GTF2IRD1: variants seen among roughly 807,000 people sequenced by gnomAD.
GTF2IRD1 encodes the protein GTF2I repeat domain containing 1, also known as general transcription factor II-I repeat domain-containing protein 1.
Under a neutral mutation model 113.2 loss-of-function variants are expected in GTF2IRD1, and 26 were observed. The ratio of observed to expected loss-of-function variants is 0.23; its 90% CI spans 0.17 to 0.32. The LOEUF is 0.32. Ranked by LOEUF, GTF2IRD1 falls within the 10% of genes least tolerant of loss-of-function variation. The pLI, the probability that GTF2IRD1 is intolerant of heterozygous loss-of-function variation, is 1.00. For synonymous variants in GTF2IRD1, 484 were observed against 529.1 expected, an observed-to-expected ratio of 0.91 and a Z score of 1.17; for missense variants, 864 against 1,280.8, an observed-to-expected ratio of 0.67 and a Z score of 4.97.
At chr7:74,519,145 G>T (rs1474338574) in intron 5 of GTF2IRD1, among the ~76,000 whole-genome samples, 2 of 152,214 alleles carry the variant, frequency 1.3e-5, no homozygotes, top group Admixed American at 1.3e-4. Flanking sequence ...GCAATCAACC[G>T]CACCTGGCGG....
rs2130751105 is a variant in GTF2IRD1 at position 74,555,510 on chromosome 7, CG to C, written c.2023+20del. On this transcript the variant is annotated intron_variant, in intron 19 of 26. Coordinates refer to ENST00000424337, the MANE Select transcript of GTF2IRD1 (RefSeq NM_005685.4). The surrounding 1 kb of genome is among the most constrained non-coding windows in gnomAD (Gnocchi z 5.3). ...GGCTTTCAAGGTAAGGTTGAGCTCA[CG>C]GGGAGGTCTGTTGTCCCAGCACCAG... is the stretch of plus-strand genomic sequence containing the variant. 1 of 1,498,554 alleles carries C rather than the reference CG, an allele frequency of 6.7e-7. No homozygotes were observed. Among genetic ancestry groups the C allele is most frequent in the Non-Finnish European group, 9.3e-7 (1 of 1,074,798 alleles). The allele number at this position is 1,498,554 out of a possible 1,614,324, so 92.8% of individuals were successfully genotyped here.
intron 26 of GTF2IRD1, 155 bp downstream of exon 26, chr7:74,601,335 C>A: frequency 6.5e-7 from 1 of 1,535,514 alleles, no homozygotes; most frequent in Non-Finnish European, 8.7e-7. Flanking sequence ...TAGATGCATC[C>A]ACCTGTCTCA....
At chr7:74,530,894 C>A (rs1797928150) in intron 9 of GTF2IRD1, among the ~76,000 whole-genome samples, 1 of 152,090 alleles carries the variant, frequency 6.6e-6, no homozygotes, top group Non-Finnish European at 1.5e-5. Context: ...CATGGCGAGA[C>A]CCCATCTCTG....
At chr7:74,456,190 C>A (rs1401265157) in intron 1 of GTF2IRD1, among the ~76,000 whole-genome samples, 1 of 152,082 alleles carries the variant, frequency 6.6e-6, no homozygotes, top group Non-Finnish European at 1.5e-5. Context: ...GTTTTTGCAG[C>A]CTGCTTGACT....
At chr7:74,580,330 C>G (rs1255035423) in intron 22 of GTF2IRD1, among the ~76,000 whole-genome samples, 2 of 152,060 alleles carry the variant, frequency 1.3e-5, no homozygotes, top group Middle Eastern at 3.2e-3. Flanking sequence ...CGCAGTCTCT[C>G]CCCTCTAAAC....
At chr7:74,589,333 T>C (rs372330972) in intron 22 of GTF2IRD1, among the ~76,000 whole-genome samples, 14 of 152,116 alleles carry the variant, frequency 9.2e-5, no homozygotes, top group African/African-American at 3.1e-4. Context: ...CCTTCCAGCC[T>C]GGGTGACAGA....
chr7:74,591,677 G>T (rs1452860318), intron 24 of GTF2IRD1, among the ~76,000 whole-genome samples: 5 of 151,604 alleles, frequency 3.3e-5, no homozygotes, highest in Admixed American at 1.3e-4. Flanking sequence ...ACTGCACCCA[G>T]CCTGCATTAT....
At chr7:74,528,403 G>A (rs1797724500) in intron 8 of GTF2IRD1, among the ~76,000 whole-genome samples, 2 of 152,032 alleles carry the variant, frequency 1.3e-5, no homozygotes, top group Non-Finnish European at 2.9e-5. Flanking sequence ...GCTTCTTACT[G>A]TGTTGCCCAG....
intron 25 of GTF2IRD1, among the ~76,000 whole-genome samples, chr7:74,595,266 C>T (rs781945243): frequency 1.3e-5 from 2 of 151,798 alleles, no homozygotes; most frequent in East Asian, 1.9e-4. Flanking sequence ...ATTAGCTGGG[C>T]GTGGTCGTGG....
At chr7:74,579,208 G>C (rs782586835) in intron 22 of GTF2IRD1, among the ~76,000 whole-genome samples, 2 of 152,134 alleles carry the variant, frequency 1.3e-5, no homozygotes, top group African/African-American at 4.8e-5. Flanking sequence ...GTAGGCCCAT[G>C]TACTCAGGAG....
chr7:74,553,453 A>G (rs1799422962), intron 17 of GTF2IRD1, among the ~76,000 whole-genome samples: 1 of 151,828 alleles, frequency 6.6e-6, no homozygotes, highest in African/African-American at 2.4e-5. Flanking sequence ...ACACCTGGCT[A>G]ATTTTTACAT....
At chr7:74,562,344 C>T (rs1800020691) in intron 22 of GTF2IRD1, among the ~76,000 whole-genome samples, 2 of 152,052 alleles carry the variant, frequency 1.3e-5, no homozygotes, top group African/African-American at 2.4e-5. Flanking sequence ...GCCCAGGAGT[C>T]AGCCTTCAGG....
intron 1 of GTF2IRD1, among the ~76,000 whole-genome samples, chr7:74,488,280 G>A (rs1302022065): frequency 6.6e-6 from 1 of 152,052 alleles, no homozygotes; most frequent in Non-Finnish European, 1.5e-5. Context: ...GAGACCCTGT[G>A]TCAAAATAAA....
chr7:74,575,769 C>T (rs1198916132), intron 22 of GTF2IRD1, among the ~76,000 whole-genome samples: 3 of 152,130 alleles, frequency 2.0e-5, no homozygotes, highest in Non-Finnish European at 2.9e-5. Context: ...GCGGATCAGG[C>T]GTGTTCAATC....
chr7:74,517,971 A>G (rs1464191866), intron 4 of GTF2IRD1, among the ~76,000 whole-genome samples, 168 bp from the exon 5 acceptor site: 3 of 152,078 alleles, frequency 2.0e-5, no homozygotes, highest in Non-Finnish European at 4.4e-5. Context: ...ACCCACCCCC[A>G]GCCTGCAGGC....
chr7:74,469,877 A>T (rs1296352885), intron 1 of GTF2IRD1, among the ~76,000 whole-genome samples: 1 of 151,340 alleles, frequency 6.6e-6, no homozygotes, highest in Non-Finnish European at 1.5e-5. Flanking sequence ...ACTAATTTTT[A>T]AATATTTTTT....
intron 1 of GTF2IRD1, among the ~76,000 whole-genome samples, chr7:74,485,670 C>T (rs1554335450): frequency 1.3e-5 from 2 of 151,964 alleles, no homozygotes; most frequent in Admixed American, 6.6e-5. Context: ...ACCTATAATC[C>T]CGGCACTTTG....
rs1584589065 is a variant in GTF2IRD1 at position 74,521,145 on chromosome 7, G to C, written c.917-63G>C. The C allele has an allele frequency of 8.7e-6, 8 of 923,700 alleles. No homozygotes were observed. The East Asian group carries it at 1.7e-4, about 19-fold the overall frequency. The allele number at this position is 923,700 out of a possible 1,614,324, so 57.2% of individuals were successfully genotyped here. On this transcript the variant is annotated intron_variant, in intron 6 of 26. Transcript: ENST00000424337. ...CCAGAGCCAGGGCCTGTGCACTGGG[G>C]CCAGATCTGGGGAACCCTCTTGGGT...
At chr7:74,507,779 C>A in intron 1 of GTF2IRD1, 1 of 326,254 alleles carries the variant, frequency 3.1e-6, no homozygotes, top group Non-Finnish European at 5.7e-6. Context: ...TTGCACACGC[C>A]GGGAGAGGTG....
Sources: allele counts gnomAD v4.1 joint callset (sites outside exome capture counted in the v4.1 genomes callset), GRCh38; gene constraint gnomAD v4.1.1; non-coding constraint Gnocchi (gnomAD v3.1); transcripts MANE v1.5; gene names NCBI Gene and HGNC (gene_info 2026-07-23, HGNC 2026-07-21).